Variants in NELL1 observed in about 807,000 individuals in gnomAD.
NELL1 encodes the protein protein kinase C-binding protein NELL1.
In NELL1, 76 loss-of-function variants were observed where a neutral mutation model predicts 107.4. That is an observed-to-expected ratio of 0.71 (90% confidence interval 0.59 to 0.86). The LOEUF (loss-of-function observed/expected upper bound fraction) is 0.86, where lower values mean the gene tolerates loss of function less well. Ranked by LOEUF, NELL1 falls within the 40% of genes least tolerant of loss-of-function variation. The pLI is 0.00. For synonymous variants in NELL1, 353 were observed against 341.2 expected (o/e 1.03, Z -0.38); for missense variants, 1,024 against 1,005.5 (o/e 1.02, Z -0.25).
chr11:20,920,149 C>T (rs1466575799), intron 7 of NELL1, among the ~76,000 whole-genome samples: 1 of 152,044 alleles, frequency 6.6e-6, no homozygotes, highest in African/African-American at 2.4e-5. Context: ...TGTTATGATA[C>T]CAATCAGTTG....
At chr11:20,911,615 C>T (rs950382775) in intron 5 of NELL1, among the ~76,000 whole-genome samples, 2 of 152,160 alleles carry the variant, frequency 1.3e-5, no homozygotes, top group African/African-American at 4.8e-5. Flanking sequence ...TTGTCTTTTT[C>T]TGGGTTTCCA....
intron 15 of NELL1, among the ~76,000 whole-genome samples, chr11:21,467,213 C>T (rs1409495391): frequency 6.6e-6 from 1 of 152,040 alleles, no homozygotes; most frequent in Non-Finnish European, 1.5e-5. Context: ...CTGTGTATGA[C>T]TTAAGACAAG....
At chr11:20,808,949 A>G (rs1162662509) in intron 3 of NELL1, among the ~76,000 whole-genome samples, 4 of 152,326 alleles carry the variant, frequency 2.6e-5, no homozygotes, top group Non-Finnish European at 1.5e-5. Context: ...AGTTAAAACC[A>G]GGTACTGTGA....
At position 21,488,825 on chromosome 11, in the gene NELL1, T is replaced by G. The variant is rs75008162; in HGVS notation, c.1646-45549T>G. Among the ~76,000 whole-genome samples the G allele has an allele frequency of 0.022, 3,362 of 150,778 alleles. 297 individuals carry two copies. The East Asian group carries it at 0.29, about 13-fold the overall frequency. ...AATTATATAGCAATAAATGCCTACA[T>G]CAAAAAAAAAGAAAGATTTCAAATA... On this transcript the variant is annotated intron_variant, in intron 15 of 19. Coordinates refer to ENST00000357134, the MANE Select transcript of NELL1 (RefSeq NM_006157.5).
Position 21,145,808 on chromosome 11 carries a change from G to A in NELL1, c.1426+32094G>A, listed in dbSNP as rs1453993. ...GGGCCAGAAGTACCAGGAGTAGCAC[G>A]TGTGTTAATTTTTGTATTCCAACAT... On this transcript the variant is annotated intron_variant, in intron 13 of 19. Transcript: ENST00000357134. Among the ~76,000 whole-genome samples, 1,175 of 152,244 alleles carry A rather than the reference G, an allele frequency of 7.7e-3. 15 individuals are homozygous for A. Among genetic ancestry groups the A allele is most frequent in the African/African-American group, 0.026 (1,098 of 41,534 alleles).
chr11:21,081,256 G>GT (rs1249834355), intron 12 of NELL1, among the ~76,000 whole-genome samples: 1 of 151,990 alleles, frequency 6.6e-6, no homozygotes, highest in Non-Finnish European at 1.5e-5. Flanking sequence ...CTTTTCTGTG[G>GT]TAACACATTC....
At chr11:20,877,155 CT>C (rs1849320808) in intron 4 of NELL1, among the ~76,000 whole-genome samples, 1 of 152,146 alleles carries the variant, frequency 6.6e-6, no homozygotes, top group South Asian at 2.1e-4. Flanking sequence ...CAAGGAGCAC[CT>C]TGATATTCAC....
At chr11:21,008,468 T>C (rs900458362) in intron 12 of NELL1, among the ~76,000 whole-genome samples, 2 of 152,168 alleles carry the variant, frequency 1.3e-5, no homozygotes, top group African/African-American at 4.8e-5. Context: ...CTTTCTAATA[T>C]ATGGGATCTA....
Position 20,887,751 on chromosome 11 carries a change from A to G in NELL1, c.603+2211A>G, listed in dbSNP as rs1301963670. Among the ~76,000 whole-genome samples, 4 of 152,346 alleles carry G rather than the reference A, an allele frequency of 2.6e-5. No homozygotes were observed. The East Asian group carries it at 7.7e-4, about 29-fold the overall frequency. ...CATGAAGCTCAATAAAGTATATTAAAGTGGCCCTGGATTAGGTACCTTGGG... is the reference window on the plus strand; with the variant it reads ...CATGAAGCTCAATAAAGTATATTAAGGTGGCCCTGGATTAGGTACCTTGGG... On this transcript the variant is annotated intron_variant, in intron 5 of 19. Transcript: ENST00000357134.
At chr11:21,085,069 T>G (rs1854357529) in intron 12 of NELL1, among the ~76,000 whole-genome samples, 1 of 152,186 alleles carries the variant, frequency 6.6e-6, no homozygotes, top group African/African-American at 2.4e-5. Context: ...TATAACAATA[T>G]CTGGCACCTA....
chr11:21,559,136 A>G (rs1564960219), intron 16 of NELL1, among the ~76,000 whole-genome samples: 1 of 152,156 alleles, frequency 6.6e-6, no homozygotes, highest in Non-Finnish European at 1.5e-5. Context: ...ATATTATTAG[A>G]ATTTCTTAAT....
At chr11:21,273,506 C>A (rs1283378421) in intron 14 of NELL1, among the ~76,000 whole-genome samples, 1 of 152,152 alleles carries the variant, frequency 6.6e-6, no homozygotes. Context: ...AGAACTTCCC[C>A]AATCTAGCAA....
chr11:20,947,694 C>T (rs1850992516), intron 11 of NELL1, among the ~76,000 whole-genome samples: 1 of 152,164 alleles, frequency 6.6e-6, no homozygotes, highest in Admixed American at 6.5e-5. Context: ...TCATGCCTAG[C>T]ATGTGACAAA....
chr11:21,072,784 A>G (rs1516747), intron 12 of NELL1, among the ~76,000 whole-genome samples: 64,186 of 152,046 alleles, frequency 0.42, 13,733 homozygotes, highest in African/African-American at 0.45. Flanking sequence ...AGTAAGGAAT[A>G]ACATGCCCTA....
intron 15 of NELL1, among the ~76,000 whole-genome samples, chr11:21,459,894 C>T (rs1325369332): frequency 6.6e-6 from 1 of 151,966 alleles, no homozygotes; most frequent in African/African-American, 2.4e-5. Context: ...GGATAATGGC[C>T]ATGGACTTTA....
intron 15 of NELL1, among the ~76,000 whole-genome samples, chr11:21,468,501 T>C (rs572650120): frequency 6.6e-6 from 1 of 152,194 alleles, no homozygotes; most frequent in East Asian, 1.9e-4. Flanking sequence ...CAGTGTGAAT[T>C]ATCTGTACCT....
chr11:20,704,041 T>C (rs1854871686), intron 2 of NELL1, among the ~76,000 whole-genome samples: 2 of 151,592 alleles, frequency 1.3e-5, no homozygotes, highest in Non-Finnish European at 1.5e-5. Context: ...AGAGCTGAGT[T>C]CAATTCCCGG....
At chr11:20,858,210 C>A (rs1848917595) in intron 4 of NELL1, among the ~76,000 whole-genome samples, 1 of 152,108 alleles carries the variant, frequency 6.6e-6, no homozygotes, top group Non-Finnish European at 1.5e-5. Flanking sequence ...GGCCATGGAG[C>A]CTGAGGTACC....
At chr11:21,135,962 T>A (rs950283451) in intron 13 of NELL1, among the ~76,000 whole-genome samples, 1 of 152,200 alleles carries the variant, frequency 6.6e-6, no homozygotes. Context: ...TCTGCCATTG[T>A]GGAGTTTATA....
Sources: allele counts gnomAD v4.1 joint callset (sites outside exome capture counted in the v4.1 genomes callset), GRCh38; gene constraint gnomAD v4.1.1; transcripts MANE v1.5; gene names NCBI Gene and HGNC (gene_info 2026-07-23, HGNC 2026-07-21).